The following RAB3GAP1 variants were observed in gnomAD, a reference collection of about 807,000 sequenced individuals.
RAB3GAP1 encodes rab3 GTPase-activating protein catalytic subunit.
A neutral mutation model predicts 130.7 loss-of-function variants in RAB3GAP1; 86 were observed. The observed-to-expected ratio is 0.66, with a 90% CI of 0.55 to 0.79. The LOEUF (loss-of-function observed/expected upper bound fraction) is 0.79. Ranked by LOEUF, RAB3GAP1 falls within the 30% of genes least tolerant of loss-of-function variation. RAB3GAP1 has a pLI of 0.00. For missense variants in RAB3GAP1, 1,029 were observed against 1,169.4 expected (o/e 0.88, Z 1.75); for synonymous variants, 367 against 401.7 (o/e 0.91, Z 1.03).
intron 19 of RAB3GAP1, among the ~76,000 whole-genome samples, chr2:135,155,968 TATAATAAA>T (rs979624165): frequency 2.6e-5 from 4 of 151,916 alleles, no homozygotes; most frequent in African/African-American, 9.7e-5. Context: ...AGCACATATA[TATAATAAA>T]ATAATAAATG....
chr2:135,094,597 A>G (rs72978334), intron 5 of RAB3GAP1, among the ~76,000 whole-genome samples: 9,059 of 152,036 alleles, frequency 0.06, 520 homozygotes, highest in African/African-American at 0.15. Context: ...TCAACTCTGT[A>G]TCACCTCCCA....
intron 3 of RAB3GAP1, among the ~76,000 whole-genome samples, chr2:135,082,830 C>G (rs954751787): frequency 6.6e-6 from 1 of 152,036 alleles, no homozygotes; most frequent in Non-Finnish European, 1.5e-5. Context: ...GTAGTCATCC[C>G]TTGGTATCCT....
At chr2:135,098,412 TA>T (rs2104887055) in intron 5 of RAB3GAP1, among the ~76,000 whole-genome samples, 1 of 152,358 alleles carries the variant, frequency 6.6e-6, no homozygotes, top group East Asian at 1.9e-4. Context: ...ACAAAAGTTA[TA>T]AAATTGAATG....
At chr2:135,173,583 AGG>A (rs1692920341), downstream of RAB3GAP1, among the ~76,000 whole-genome samples, 1 of 152,178 alleles carries the variant, frequency 6.6e-6, no homozygotes, top group Non-Finnish European at 1.5e-5. Context: ...AGAATAGAGA[AGG>A]GGCTGCCTCG....
At chr2:135,128,453 T>G (rs1226054949) in intron 11 of RAB3GAP1, among the ~76,000 whole-genome samples, 1 of 152,238 alleles carries the variant, frequency 6.6e-6, no homozygotes, top group Non-Finnish European at 1.5e-5. Context: ...ACAGTGCCTT[T>G]GTTATAGTAA....
chr2:135,093,766 G>A (rs964866577), intron 5 of RAB3GAP1, 73 bp downstream of exon 5: 3 of 1,160,712 alleles, frequency 2.6e-6, no homozygotes, highest in Non-Finnish European at 3.9e-6. Flanking sequence ...CCCAAGTTCA[G>A]TGATTTGCTA....
intron 11 of RAB3GAP1, among the ~76,000 whole-genome samples, chr2:135,127,445 G>A (rs1371753543): frequency 6.6e-6 from 1 of 151,958 alleles, no homozygotes; most frequent in African/African-American, 2.4e-5. Context: ...CCGGGTTCAC[G>A]CCATTCTCCT....
chr2:135,154,060 T>A (rs1692245271), intron 19 of RAB3GAP1, among the ~76,000 whole-genome samples, 184 bp downstream of exon 19: 1 of 152,198 alleles, frequency 6.6e-6, no homozygotes, highest in Non-Finnish European at 1.5e-5. Flanking sequence ...ATAGGGCAAA[T>A]AATAGGCATG....
intron 3 of RAB3GAP1, among the ~76,000 whole-genome samples, chr2:135,076,130 C>T (rs528258550): frequency 2.6e-5 from 4 of 151,946 alleles, no homozygotes; most frequent in South Asian, 2.1e-4. Context: ...TAGGATGTCT[C>T]GATGATCTGA....
In RAB3GAP1 at chr2:135,115,362, A is replaced by T. The variant is rs1356472711; in HGVS notation, c.629A>T (p.Asp210Val). Reference sequence around the variant, plus strand: ...TACACTCACTTATCAGGTCTGCTGGATATCTTCAAATCAAAGATTGTGAGT... The same window carrying T: ...TACACTCACTTATCAGGTCTGCTGGTTATCTTCAAATCAAAGATTGTGAGT... ...NQYTHLSGLLDIFKSKIGCPL... is the reference protein window; with the variant it reads ...NQYTHLSGLLVIFKSKIGCPL... Residue 210 changes from aspartate (D) to valine (V), a missense_variant, in exon 7 of 24, where the codon GAT (aspartate) becomes GTT (valine). Transcript: ENST00000264158. 1.2e-6 allele frequency: 2 copies of T among 1,611,600 alleles called. No individual in the cohort carries two copies. Among genetic ancestry groups the T allele is most frequent in the East Asian group, 2.2e-5 (1 of 44,776 alleles).
chr2:135,165,982 G>A (rs1692635945), intron 23 of RAB3GAP1, among the ~76,000 whole-genome samples: 1 of 152,074 alleles, frequency 6.6e-6, no homozygotes, highest in African/African-American at 2.4e-5. Flanking sequence ...GACCAGCCTG[G>A]CCAATGTGGT....
rs181500164 is a variant in RAB3GAP1 at position 135,052,540 on chromosome 2, C to T, written c.74+55C>T. 175 of 1,599,030 alleles carry T rather than the reference C, an allele frequency of 1.1e-4. No individual in the cohort carries two copies. In the African/African-American group the frequency reaches 1.8e-3, roughly 17 times the overall value. ...TCCCATGGGCCCTGGCGTCCCCTAGCCGCTTCCCTGACCCCAGACACACCA... is the reference window on the plus strand; with the variant it reads ...TCCCATGGGCCCTGGCGTCCCCTAGTCGCTTCCCTGACCCCAGACACACCA... On this transcript the variant is annotated intron_variant, in intron 2 of 23. Coordinates refer to ENST00000264158, the MANE Select transcript of RAB3GAP1 (RefSeq NM_012233.3).
At chr2:135,076,028 A>C (rs1180205714) in intron 3 of RAB3GAP1, among the ~76,000 whole-genome samples, 1 of 149,982 alleles carries the variant, frequency 6.7e-6, no homozygotes, top group African/African-American at 2.5e-5. Context: ...CTCCTGCCTC[A>C]GCCTCCTGAG....
chr2:135,135,475 G>A (rs1038865958), intron 16 of RAB3GAP1, 89 bp from the exon 17 acceptor site: 2 of 1,469,038 alleles, frequency 1.4e-6, no homozygotes, highest in East Asian at 2.4e-5. Context: ...CTGAGAAGTG[G>A]AGAGTGAAAA....
chr2:135,076,884 T>G (rs1255223363), intron 3 of RAB3GAP1, among the ~76,000 whole-genome samples: 2 of 152,240 alleles, frequency 1.3e-5, no homozygotes, highest in African/African-American at 4.8e-5. Flanking sequence ...TGAAGTAATA[T>G]CTTCAAGGTT....
At chr2:135,133,247 G>T (rs578086831) in intron 14 of RAB3GAP1, among the ~76,000 whole-genome samples, 86 of 152,240 alleles carry the variant, frequency 5.6e-4, no homozygotes, top group African/African-American at 2.0e-3. Flanking sequence ...GAGTTTTGGT[G>T]AAATCATTAA....
chr2:135,159,318 G>A (rs1692402837), intron 19 of RAB3GAP1, among the ~76,000 whole-genome samples: 1 of 152,166 alleles, frequency 6.6e-6, no homozygotes, highest in African/African-American at 2.4e-5. Context: ...CAGTGCAGCA[G>A]CCCGACTGAC....
chr2:135,136,779 A>T, intron 17 of RAB3GAP1: 1 of 929,634 alleles, frequency 1.1e-6, no homozygotes, highest in South Asian at 1.7e-5. Flanking sequence ...CAGTTAACTG[A>T]TGGGAATATT....
At chr2:135,111,239 T>C (rs1179356374) in intron 5 of RAB3GAP1, among the ~76,000 whole-genome samples, 4 of 152,144 alleles carry the variant, frequency 2.6e-5, no homozygotes, top group Non-Finnish European at 5.9e-5. Context: ...ATTCTTTATA[T>C]ACCAGAGATA....
Sources: allele counts gnomAD v4.1 joint callset (sites outside exome capture counted in the v4.1 genomes callset), GRCh38; gene constraint gnomAD v4.1.1; transcripts MANE v1.5; gene names NCBI Gene and HGNC (gene_info 2026-07-23, HGNC 2026-07-21).